The following ZNF362 variants were observed in gnomAD, a reference collection of about 807,000 sequenced individuals.
ZNF362 encodes the protein zinc finger protein 362, also known as rotund homolog.
Under a neutral mutation model 42.9 loss-of-function variants are expected in ZNF362, and 11 were observed. The observed-to-expected ratio is 0.26, with a 90% confidence interval of 0.16 to 0.42. The LOEUF is 0.42. Among genes scored for constraint, ZNF362 ranks in the 20% least tolerant of loss-of-function variants. The probability of loss-of-function intolerance (pLI) is 1.00; values close to 1 mark genes in which losing one functional copy is unlikely to be tolerated. For missense variants in ZNF362, 362 were observed against 576.2 expected, an observed-to-expected ratio of 0.63 and a Z score of 3.81; for synonymous variants, 255 against 257.3, an observed-to-expected ratio of 0.99 and a Z score of 0.09.
At chr1:33,181,598 C>A in the ZNF362 span, 3 of 1,285,658 alleles carry the variant, frequency 2.3e-6, no homozygotes, top group Non-Finnish European at 3.1e-6. The surrounding 1 kb of genome is among the most constrained non-coding windows in gnomAD (Gnocchi z 6.5). Context: ...AGGAGGGTAA[C>A]GCGAGGAAGG....
intron 1 of ZNF362, among the ~76,000 whole-genome samples, chr1:33,258,891 T>C (rs1645811648): frequency 6.6e-6 from 1 of 152,176 alleles, no homozygotes; most frequent in African/African-American, 2.4e-5. Flanking sequence ...TCAGAGAGGT[T>C]GAACAGTGGC....
the ZNF362 span, chr1:33,181,355 G>A: frequency 6.3e-7 from 1 of 1,592,374 alleles, no homozygotes. The surrounding 1 kb of genome is among the most constrained non-coding windows in gnomAD (Gnocchi z 6.5). Context: ...AGTAATGCTC[G>A]CAGCCCAGGC....
intron 8 of ZNF362, among the ~76,000 whole-genome samples, chr1:33,296,163 C>T (rs1211388430): frequency 1.3e-5 from 2 of 152,186 alleles, no homozygotes; most frequent in South Asian, 4.1e-4. Context: ...AGACTCTCGG[C>T]CCTAGTCCAG....
chr1:33,182,568 C>T, the ZNF362 span, among the ~76,000 whole-genome samples: 1 of 151,704 alleles, frequency 6.6e-6, no homozygotes, highest in Non-Finnish European at 1.5e-5. Context: ...CGGAGGCTGC[C>T]TCCATTGGCA....
chr1:33,167,275 A>G, the ZNF362 span, among the ~76,000 whole-genome samples: 2 of 151,914 alleles, frequency 1.3e-5, no homozygotes, highest in African/African-American at 4.8e-5. This position sits in a 1 kb window ranked among gnomAD's most constrained non-coding sequence, Gnocchi z 4.2. Flanking sequence ...AATATATTTG[A>G]CTGTGTGTTT....
intron 6 of ZNF362, among the ~76,000 whole-genome samples, chr1:33,291,135 T>C (rs1251904955): frequency 6.6e-6 from 1 of 152,260 alleles, no homozygotes; most frequent in East Asian, 1.9e-4. Flanking sequence ...ATGAAGTTCT[T>C]GCCCATGCCT....
At chr1:33,279,358 C>T (rs996955197) in intron 4 of ZNF362, among the ~76,000 whole-genome samples, 1 of 152,142 alleles carries the variant, frequency 6.6e-6, no homozygotes, top group Non-Finnish European at 1.5e-5. Flanking sequence ...GCCAGACTAC[C>T]CTTCATTAAC....
chr1:33,298,060 A>T (rs1570416090), intron 8 of ZNF362, among the ~76,000 whole-genome samples: 1 of 152,196 alleles, frequency 6.6e-6, no homozygotes. Flanking sequence ...AAGGAGTGGC[A>T]GGTGGGAGTA....
chr1:33,243,242 C>A, the ZNF362 span, among the ~76,000 whole-genome samples: 1 of 151,700 alleles, frequency 6.6e-6, no homozygotes, highest in Non-Finnish European at 1.5e-5. Flanking sequence ...TGAAACCCTC[C>A]GCCTCCTGGG....
chr1:33,289,769 G>A (rs541428933), intron 6 of ZNF362, among the ~76,000 whole-genome samples: 1 of 152,284 alleles, frequency 6.6e-6, no homozygotes, highest in African/African-American at 2.4e-5. Flanking sequence ...GGTGATGGTG[G>A]GGAATGAGCC....
the ZNF362 span, among the ~76,000 whole-genome samples, chr1:33,250,228 TC>T: frequency 6.6e-6 from 1 of 152,174 alleles, no homozygotes; most frequent in Admixed American, 6.6e-5. Flanking sequence ...CTCAGTTTTT[TC>T]CACTGTGAAA....
the ZNF362 span, among the ~76,000 whole-genome samples, chr1:33,136,120 T>TTCCTTCCG: frequency 2.3e-5 from 2 of 87,130 alleles, no homozygotes; most frequent in South Asian, 8.8e-4. Flanking sequence ...CAGCCCTTCC[T>TTCCTTCCG]TCCTTCCTTC....
the ZNF362 span, among the ~76,000 whole-genome samples, chr1:33,194,496 C>T: frequency 4.3e-5 from 6 of 140,194 alleles, no homozygotes; most frequent in African/African-American, 1.3e-4. Flanking sequence ...TGCACCACTG[C>T]ACTCCAGCCT....
intron 1 of ZNF362, among the ~76,000 whole-genome samples, chr1:33,264,301 C>T (rs1005674989): frequency 1.3e-5 from 2 of 152,036 alleles, no homozygotes; most frequent in African/African-American, 4.8e-5. Context: ...CTACTGCCAC[C>T]CCCCACCCCC....
intron 2 of ZNF362, chr1:33,275,144 A>G: frequency 1.0e-6 from 1 of 985,466 alleles, no homozygotes. Flanking sequence ...GAAACTTGAC[A>G]GGGAGCAAGA....
the ZNF362 span, among the ~76,000 whole-genome samples, chr1:33,182,913 G>T: frequency 3.3e-5 from 5 of 152,108 alleles, no homozygotes; most frequent in Admixed American, 1.3e-4. Flanking sequence ...GGAATGACCT[G>T]GTCCGATTGG....
the ZNF362 span, among the ~76,000 whole-genome samples, chr1:33,250,852 GGAAGAAGAA>G: frequency 5.5e-3 from 757 of 137,588 alleles, 11 homozygotes; most frequent in East Asian, 0.067. Context: ...GAAGAAAGAA[GGAAGAAGAA>G]GAAGAAGAAG....
the ZNF362 span, among the ~76,000 whole-genome samples, chr1:33,203,007 C>T: frequency 6.6e-6 from 1 of 151,996 alleles, no homozygotes; most frequent in Non-Finnish European, 1.5e-5. Context: ...ACCTAAAATC[C>T]ATTCTTTCAA....
chr1:33,213,813 C>T, the ZNF362 span, among the ~76,000 whole-genome samples: 1 of 152,062 alleles, frequency 6.6e-6, no homozygotes, highest in Non-Finnish European at 1.5e-5. Context: ...CCACTGCACT[C>T]CAGCCTGGCA....
Sources: gnomAD v4.1 joint callset for allele counts (sites outside exome capture counted in the v4.1 genomes callset) on GRCh38, gnomAD v4.1.1 for gene constraint, Gnocchi (gnomAD v3.1) non-coding constraint, MANE v1.5 for transcripts, NCBI Gene and HGNC (gene_info 2026-07-23, HGNC 2026-07-21) for gene names.